KCND2: variants seen among roughly 807,000 people sequenced by gnomAD.
The protein encoded by KCND2 is A-type voltage-gated potassium channel KCND2.
Under a neutral mutation model 54.4 loss-of-function variants are expected in KCND2, and 16 were observed. The observed-to-expected ratio is 0.29, with a 90% confidence interval of 0.20 to 0.45. The LOEUF (loss-of-function observed/expected upper bound fraction) is 0.45. KCND2 is among the 20% of genes least tolerant of loss of function. KCND2 has a pLI of 1.00. For synonymous variants in KCND2, 317 were observed against 310.7 expected (o/e 1.02, Z -0.21); for missense variants, 486 against 824.2 (o/e 0.59, Z 5.02).
intron 1 of KCND2, among the ~76,000 whole-genome samples, chr7:120,475,256 A>G (rs1488785825): frequency 6.6e-6 from 1 of 152,210 alleles, no homozygotes; most frequent in East Asian, 1.9e-4. Flanking sequence ...CGTTGAACAT[A>G]AGCACATACA....
At chr7:120,672,491 A>G (rs1792004232) in intron 1 of KCND2, among the ~76,000 whole-genome samples, 2 of 152,076 alleles carry the variant, frequency 1.3e-5, no homozygotes, top group African/African-American at 4.8e-5. Flanking sequence ...TAAGTAATCT[A>G]CTGCTGTGGC....
chr7:120,749,732 T>A lies in KCND2; in HGVS notation c.*1874T>A, dbSNP rs1013085373. On this transcript the variant is annotated 3_prime_UTR_variant, in exon 6 of 6. Coordinates refer to ENST00000331113, the MANE Select transcript of KCND2 (RefSeq NM_012281.3). ...ATCTCTTGGGAAGAACTGGCTTCAT[T>A]CCTAGTACATCTTTTAAAAAGTTAC... 3.4e-4 allele frequency: 52 copies of A among 152,372 alleles called. No individual in the cohort carries two copies. The highest frequency in any genetic ancestry group is 1.3e-3 in the African/African-American group (52 of 41,448). The allele number at this position is 152,372 out of a possible 1,614,324, so 9.4% of individuals were successfully genotyped here. A position where few individuals can be genotyped will look rare whatever the true frequency, so the allele number is the denominator to read the frequency against.
chr7:120,444,391 A>G (rs1801989949), intron 1 of KCND2, among the ~76,000 whole-genome samples: 1 of 152,158 alleles, frequency 6.6e-6, no homozygotes. Flanking sequence ...ACTAATTTTC[A>G]TAAAGTCAGT....
chr7:120,447,938 T>G (rs1050065194), intron 1 of KCND2, among the ~76,000 whole-genome samples: 1 of 152,200 alleles, frequency 6.6e-6, no homozygotes, highest in Non-Finnish European at 1.5e-5. Context: ...TAAATATTTT[T>G]GAGATTAGAT....
chr7:120,346,309 C>T (rs1800314720), intron 1 of KCND2, among the ~76,000 whole-genome samples: 1 of 152,014 alleles, frequency 6.6e-6, no homozygotes, highest in South Asian at 2.1e-4. Flanking sequence ...TTGAATGTGT[C>T]TCTCAAAATT....
rs568202030 is a variant in KCND2 at position 120,672,434 on chromosome 7, C to T, written c.1116-60469C>T. ...GAGTAATGAAAGCTACTGACCCCTC[C>T]TACCTGTTGAAATGCCTTTGTTGTC... is the stretch of plus-strand genomic sequence containing the variant. On this transcript the variant is annotated intron_variant, in intron 1 of 5. Coordinates refer to ENST00000331113, the MANE Select transcript of KCND2 (RefSeq NM_012281.3). 9.9e-5 allele frequency among the ~76,000 whole-genome samples: 15 copies of T among 152,200 alleles called. 1 individual carries two copies. The highest frequency in any genetic ancestry group is 4.1e-4 in the South Asian group (2 of 4,826).
intron 1 of KCND2, among the ~76,000 whole-genome samples, chr7:120,621,652 A>T (rs12536295): frequency 0.12 from 18,053 of 152,208 alleles, 2,267 homozygotes; most frequent in East Asian, 0.49. Context: ...CTGATTTTTT[A>T]AATAAAAAAT....
chr7:120,607,343 T>C (rs1421398926), intron 1 of KCND2, among the ~76,000 whole-genome samples: 1 of 152,166 alleles, frequency 6.6e-6, no homozygotes, highest in Non-Finnish European at 1.5e-5. Context: ...CTGCTATCCA[T>C]GCTGATGTCT....
chr7:120,554,049 AGTGTTTTGTCATTACTCCCATTAGGGTT>A (rs1792133051), intron 1 of KCND2, among the ~76,000 whole-genome samples: 1 of 152,218 alleles, frequency 6.6e-6, no homozygotes, highest in Non-Finnish European at 1.5e-5. Flanking sequence ...GAGAATTAAA[AGTGTTTTGTCATTACTCCCATTAGGGTT>A]AACCTATTTT....
At chr7:120,447,440 T>C (rs988049802) in intron 1 of KCND2, among the ~76,000 whole-genome samples, 6 of 151,896 alleles carry the variant, frequency 4.0e-5, no homozygotes, top group African/African-American at 1.2e-4. Flanking sequence ...GACATTGATG[T>C]GTGAAGATGT....
chr7:120,392,015 C>T (rs1801087248), intron 1 of KCND2, among the ~76,000 whole-genome samples: 3 of 151,962 alleles, frequency 2.0e-5, no homozygotes, highest in African/African-American at 7.2e-5. Context: ...ATGATATTGC[C>T]TAGGTTTTCT....
At chr7:120,575,452 C>T (rs768129750) in intron 1 of KCND2, among the ~76,000 whole-genome samples, 4 of 152,144 alleles carry the variant, frequency 2.6e-5, no homozygotes, top group Non-Finnish European at 5.9e-5. Context: ...CCGAGCCACA[C>T]TGGCAGCTGA....
chr7:120,475,011 C>T (rs1231716515), intron 1 of KCND2, among the ~76,000 whole-genome samples: 1 of 152,122 alleles, frequency 6.6e-6, no homozygotes, highest in African/African-American at 2.4e-5. Context: ...TGGCTAAGGC[C>T]TTCACTTTTA....
At chr7:120,577,001 G>A (rs909632014) in intron 1 of KCND2, among the ~76,000 whole-genome samples, 2 of 152,026 alleles carry the variant, frequency 1.3e-5, no homozygotes, top group African/African-American at 4.8e-5. Flanking sequence ...CAAAAAATTT[G>A]CTAGGTGTGG....
intron 1 of KCND2, among the ~76,000 whole-genome samples, chr7:120,306,346 T>C (rs1276134731): frequency 6.6e-6 from 1 of 152,138 alleles, no homozygotes; most frequent in East Asian, 1.9e-4. Context: ...AAAACTGATA[T>C]TTTTGAACAA....
At chr7:120,632,012 G>T (rs2116516291) in intron 1 of KCND2, among the ~76,000 whole-genome samples, 1 of 152,154 alleles carries the variant, frequency 6.6e-6, no homozygotes, top group South Asian at 2.1e-4. Context: ...CTCCCAACCC[G>T]ATTTTAGGTT....
chr7:120,564,228 G>T (rs999119913), intron 1 of KCND2, among the ~76,000 whole-genome samples: 5 of 152,114 alleles, frequency 3.3e-5, no homozygotes, highest in African/African-American at 1.2e-4. Context: ...TTGTAGTAAT[G>T]ATTCCTTGTG....
intron 1 of KCND2, among the ~76,000 whole-genome samples, chr7:120,641,971 C>T (rs1446497943): frequency 6.6e-6 from 1 of 151,958 alleles, no homozygotes; most frequent in Non-Finnish European, 1.5e-5. Context: ...CTTCTCTGTT[C>T]TTATGGTTGT....
At position 120,371,964 on chromosome 7, in the gene KCND2, T is replaced by G. The variant is rs111923739; in HGVS notation, c.1115+96217T>G. Among the ~76,000 whole-genome samples the G allele has an allele frequency of 1.4e-3, 217 of 152,028 alleles. 1 individual carries two copies. The highest frequency in any genetic ancestry group is 5.0e-3 in the African/African-American group (209 of 41,528). On this transcript the variant is annotated intron_variant, in intron 1 of 5. Transcript: ENST00000331113. ...CAACATATAACCGTGTATACCACCT[T>G]TTCTTTATCTCTTCATGTGATGAGG...
Sources: gnomAD v4.1 joint callset for allele counts (sites outside exome capture counted in the v4.1 genomes callset) on GRCh38, gnomAD v4.1.1 for gene constraint, MANE v1.5 for transcripts, NCBI Gene and HGNC (gene_info 2026-07-23, HGNC 2026-07-21) for gene names.